Variants in CSMD1 observed in about 807,000 individuals in gnomAD.
The protein encoded by CSMD1 is CUB and Sushi multiple domains 1, also known as CUB and sushi domain-containing protein 1.
In CSMD1, 213 loss-of-function variants were observed where a neutral mutation model predicts 417.5. The ratio of observed to expected loss-of-function variants is 0.51; its 90% CI spans 0.46 to 0.57. CSMD1 has a LOEUF of 0.57. Among genes scored for constraint, CSMD1 ranks in the 20% least tolerant of loss-of-function variants. The pLI, the probability that CSMD1 is intolerant of heterozygous loss-of-function variation, is 0.00. For synonymous variants in CSMD1, 2,862 were observed against 1,736.8 expected (o/e 1.65, Z -16.11); for missense variants, 6,923 against 4,529.7 (o/e 1.53, Z -15.17).
At chr8:3,857,637 G>A (rs1306786445) in intron 5 of CSMD1, among the ~76,000 whole-genome samples, 2 of 152,132 alleles carry the variant, frequency 1.3e-5, no homozygotes, top group African/African-American at 2.4e-5. Flanking sequence ...AGCAGAGGGT[G>A]GGGACACAGA....
intron 2 of CSMD1, among the ~76,000 whole-genome samples, chr8:4,634,657 G>A (rs1481624123): frequency 6.6e-6 from 1 of 152,140 alleles, no homozygotes; most frequent in East Asian, 1.9e-4. Context: ...ACTTAATTGC[G>A]TTTGAGAAAT....
rs192594043 is a variant in CSMD1, at chr8:3,086,229, G to C, written c.7474+868C>G. ...TATCATTCTAATCATTCCTAATGAA[G>C]TAAGCTGCTTGAGTCTATCTCTATG... On this transcript the variant is annotated intron_variant, in intron 49 of 69. Coordinates refer to ENST00000635120, the MANE Select transcript of CSMD1 (RefSeq NM_033225.6). Among the ~76,000 whole-genome samples the C allele has an allele frequency of 2.2e-4, 33 of 152,286 alleles. 2 individuals carry two copies. In the East Asian group the frequency reaches 6.4e-3, roughly 29 times the overall value.
At chr8:3,889,625 G>A (rs917556158) in intron 5 of CSMD1, among the ~76,000 whole-genome samples, 1 of 150,918 alleles carries the variant, frequency 6.6e-6, no homozygotes, top group Non-Finnish European at 1.5e-5. Flanking sequence ...AGCTGACAGT[G>A]TGAAGAGGAA....
At chr8:4,842,105 T>C (rs1354453089) in intron 1 of CSMD1, among the ~76,000 whole-genome samples, 3 of 152,060 alleles carry the variant, frequency 2.0e-5, no homozygotes, top group Non-Finnish European at 4.4e-5. Context: ...GTATGAGAGA[T>C]GTAAAAAGGT....
intron 36 of CSMD1, among the ~76,000 whole-genome samples, chr8:3,186,690 A>G (rs1821780804): frequency 6.6e-6 from 1 of 152,234 alleles, no homozygotes; most frequent in African/African-American, 2.4e-5. Context: ...GAAAAAATAT[A>G]TATTCCAGCC....
chr8:4,141,737 G>C (rs554961946), intron 3 of CSMD1, among the ~76,000 whole-genome samples: 2 of 151,024 alleles, frequency 1.3e-5, no homozygotes, highest in Admixed American at 1.3e-4. Flanking sequence ...ACTAAAAACG[G>C]ATACAGTGAT....
At chr8:2,956,118 C>A (rs920827946) in intron 63 of CSMD1, among the ~76,000 whole-genome samples, 1 of 151,952 alleles carries the variant, frequency 6.6e-6, no homozygotes, top group Non-Finnish European at 1.5e-5. Flanking sequence ...TTCTGCTATA[C>A]TACCGAAATA....
chr8:4,547,820 A>C (rs932382983), intron 2 of CSMD1, among the ~76,000 whole-genome samples: 6 of 152,224 alleles, frequency 3.9e-5, no homozygotes, highest in African/African-American at 1.4e-4. Context: ...GGCAGAGAGA[A>C]ACAAGAATGG....
intron 5 of CSMD1, among the ~76,000 whole-genome samples, chr8:3,796,772 A>G (rs1257225337): frequency 6.6e-6 from 1 of 151,284 alleles, no homozygotes; most frequent in African/African-American, 2.4e-5. Context: ...TATTCTGATC[A>G]TCATATTCTT....
At chr8:3,347,655 T>C (rs1205875433) in intron 22 of CSMD1, among the ~76,000 whole-genome samples, 1 of 152,230 alleles carries the variant, frequency 6.6e-6, no homozygotes. Flanking sequence ...TATTATTGTA[T>C]TAAATCCTCA....
chr8:3,961,920 T>C (rs1812354388), intron 5 of CSMD1, among the ~76,000 whole-genome samples: 4 of 152,194 alleles, frequency 2.6e-5, no homozygotes, highest in Admixed American at 2.6e-4. Context: ...CAAAAACGAA[T>C]GGGCTTGGGC....
At chr8:2,962,372 T>C (rs1474169498) in intron 61 of CSMD1, 94 bp downstream of exon 61, 6 of 1,149,816 alleles carry the variant, frequency 5.2e-6, no homozygotes, top group African/African-American at 1.5e-5. Context: ...ATGGAAACAC[T>C]TTCTATGTAA....
intron 2 of CSMD1, among the ~76,000 whole-genome samples, chr8:4,451,926 A>T (rs77300968): frequency 0.13 from 19,809 of 149,290 alleles, 1,403 homozygotes; most frequent in South Asian, 0.22. Context: ...CAGAGATGTA[A>T]AATTTAATGT....
At chr8:3,496,063 A>G (rs943714862) in intron 10 of CSMD1, among the ~76,000 whole-genome samples, 4 of 151,876 alleles carry the variant, frequency 2.6e-5, no homozygotes, top group Admixed American at 6.6e-5. Flanking sequence ...TCCCCAACCA[A>G]TGTTCCCGAA....
rs115225502 is a variant in CSMD1, at chr8:4,068,385, G to T, written c.416-36286C>A. ...TCTTATTTGTCAGCCATGGGAGTGT[G>T]ACTTTTATTTCACACTGGGGAGAGA... is the stretch of plus-strand genomic sequence containing the variant. On this transcript the variant is annotated intron_variant, in intron 3 of 69. Transcript: ENST00000635120. 3.0e-3 allele frequency among the ~76,000 whole-genome samples: 451 copies of T among 152,266 alleles called. 2 individuals are homozygous for T. Among genetic ancestry groups the T allele is most frequent in the African/African-American group, 0.01 (434 of 41,556 alleles).
chr8:4,110,010 CTAAAA>C (rs1391717295), intron 3 of CSMD1, among the ~76,000 whole-genome samples: 2 of 152,078 alleles, frequency 1.3e-5, no homozygotes, highest in African/African-American at 4.8e-5. Context: ...CCTGTGTTAA[CTAAAA>C]TGATTAAGAT....
chr8:4,690,059 C>T (rs539161607), intron 1 of CSMD1, among the ~76,000 whole-genome samples: 2 of 152,132 alleles, frequency 1.3e-5, no homozygotes, highest in Non-Finnish European at 2.9e-5. Flanking sequence ...GCATTGGTAA[C>T]ATTATACGGA....
At chr8:4,374,864 T>A (rs549893111) in intron 3 of CSMD1, among the ~76,000 whole-genome samples, 1 of 146,270 alleles carries the variant, frequency 6.8e-6, no homozygotes, top group African/African-American at 2.5e-5. Flanking sequence ...TAGGGGCTAA[T>A]TAAACACAGG....
At chr8:3,425,267 G>C (rs1813759943) in intron 12 of CSMD1, among the ~76,000 whole-genome samples, 1 of 152,090 alleles carries the variant, frequency 6.6e-6, no homozygotes, top group South Asian at 2.1e-4. Context: ...TTATCTCCTT[G>C]GGACAAGGGA....
Sources: allele counts gnomAD v4.1 joint callset (sites outside exome capture counted in the v4.1 genomes callset), GRCh38; gene constraint gnomAD v4.1.1; transcripts MANE v1.5; gene names NCBI Gene and HGNC (gene_info 2026-07-23, HGNC 2026-07-21).